DPP4: variants seen among roughly 807,000 people sequenced by gnomAD.
The protein encoded by DPP4 is dipeptidyl peptidase 4, also known as ADCP-2.
Under a neutral mutation model 122.4 loss-of-function variants are expected in DPP4, and 93 were observed. The observed-to-expected ratio is 0.76, with a 90% CI of 0.64 to 0.90. The LOEUF is 0.90. DPP4 is among the 40% of genes least tolerant of loss of function. The pLI is 0.00. For synonymous variants in DPP4, 321 were observed against 302.9 expected, an observed-to-expected ratio of 1.06 and a Z score of -0.62; for missense variants, 914 against 907.3, an observed-to-expected ratio of 1.01 and a Z score of -0.09.
intron 9 of DPP4, among the ~76,000 whole-genome samples, chr2:162,034,359 AC>A (rs1380797612): frequency 6.6e-6 from 1 of 152,160 alleles, no homozygotes; most frequent in Non-Finnish European, 1.5e-5. Flanking sequence ...CACTGAAAAC[AC>A]ATCTCCATAT....
Position 161,998,029 on chromosome 2 carries a change from A to G in DPP4, c.2053-2657T>C, listed in dbSNP as rs747503977. ...TTTGAAGTGCATAATAATAATGGGTATCCTTTGAGATCCTCCTAAGACCCA... is the reference window on the plus strand; with the variant it reads ...TTTGAAGTGCATAATAATAATGGGTGTCCTTTGAGATCCTCCTAAGACCCA... On this transcript the variant is annotated intron_variant, in intron 23 of 25. Coordinates refer to ENST00000360534, the MANE Select transcript of DPP4 (RefSeq NM_001935.4). 4.2e-4 allele frequency among the ~76,000 whole-genome samples: 64 copies of G among 152,208 alleles called. 1 individual carries two copies. The highest frequency in any genetic ancestry group is 4.6e-4 in the Admixed American group (7 of 15,284).
At chr2:162,037,847 T>C (rs150586805) in intron 8 of DPP4, among the ~76,000 whole-genome samples, 45 of 152,308 alleles carry the variant, frequency 3.0e-4, no homozygotes, top group Non-Finnish European at 5.6e-4. Context: ...TTCAAATAAA[T>C]ACAAATCCTC....
chr2:161,995,294 A>T lies in DPP4; in HGVS notation c.2125+6T>A. The T allele has an allele frequency of 6.2e-7, 1 of 1,613,168 alleles. No individual in the cohort carries two copies. The highest frequency in any genetic ancestry group is 8.5e-7 in the Non-Finnish European group (1 of 1,179,312). The stretch of plus-strand genomic sequence containing the variant: ...ATACTAAAAAGTCTAATTAACTGAA[A>T]CTCACCATCTGCTGTTCCATGAATA... On this transcript the variant is annotated splice_donor_region_variant and intron_variant, in intron 24 of 25. Transcript: ENST00000360534.
chr2:162,009,145 T>G, intron 21 of DPP4, 96 bp downstream of exon 21: 1 of 1,298,212 alleles, frequency 7.7e-7, no homozygotes, highest in Non-Finnish European at 1.1e-6. Context: ...TAGATGTGAT[T>G]TTCACCTCCA....
chr2:162,071,381 C>T (rs1434438926), intron 2 of DPP4, among the ~76,000 whole-genome samples: 1 of 152,168 alleles, frequency 6.6e-6, no homozygotes, highest in African/African-American at 2.4e-5. Context: ...CAGTGGCTTA[C>T]ACCTTTCATT....
At chr2:161,997,403 T>G (rs891117142) in intron 23 of DPP4, among the ~76,000 whole-genome samples, 3 of 152,240 alleles carry the variant, frequency 2.0e-5, no homozygotes, top group African/African-American at 7.2e-5. Flanking sequence ...CTCCACTAAA[T>G]GATAAGATCC....
chr2:162,024,035 AG>A (rs1412632458), intron 11 of DPP4, among the ~76,000 whole-genome samples: 2 of 152,240 alleles, frequency 1.3e-5, no homozygotes, highest in Non-Finnish European at 2.9e-5. Context: ...GTGAGGCTCC[AG>A]GTCTGGGAGG....
chr2:161,999,398 T>A (rs1379782993), intron 23 of DPP4, among the ~76,000 whole-genome samples: 1 of 152,210 alleles, frequency 6.6e-6, no homozygotes, highest in Non-Finnish European at 1.5e-5. Context: ...GATGACTAAG[T>A]TAGAAGCCGA....
At chr2:162,033,504 C>T (rs528114598) in intron 10 of DPP4, 37 bp downstream of exon 10, 2 of 1,534,512 alleles carry the variant, frequency 1.3e-6, no homozygotes, top group Admixed American at 1.8e-5. Context: ...AAGTGTAAAA[C>T]TGTTTACAAG....
intron 10 of DPP4, among the ~76,000 whole-genome samples, chr2:162,025,299 G>C (rs569628401): frequency 4.6e-5 from 7 of 152,146 alleles, no homozygotes; most frequent in South Asian, 4.2e-4. Context: ...CTGCTGTCTT[G>C]AGGGAAGTGA....
rs931109067 is a variant in DPP4, at chr2:162,024,788, C to T, written c.1023+16G>A. 5 of 1,612,158 alleles carry T rather than the reference C, an allele frequency of 3.1e-6. No homozygotes were observed. The highest frequency in any genetic ancestry group is 4.2e-6 in the Non-Finnish European group (5 of 1,179,646). On this transcript the variant is annotated intron_variant, in intron 11 of 25. Transcript: ENST00000360534. ...ACATGTTGCTCTAGAAGCAGAACAT[C>T]CCCATTCAGTCTCACCACTAAGCAG... is the stretch of plus-strand genomic sequence containing the variant.
intron 25 of DPP4, among the ~76,000 whole-genome samples, 160 bp from the exon 26 acceptor site, chr2:161,993,544 G>A (rs1299578855): frequency 6.6e-6 from 1 of 152,090 alleles, no homozygotes; most frequent in Non-Finnish European, 1.5e-5. Context: ...TCAAAGAGGG[G>A]GTCTAATTTT....
intron 14 of DPP4, among the ~76,000 whole-genome samples, chr2:162,019,613 G>A (rs1683048753): frequency 6.6e-6 from 1 of 151,874 alleles, no homozygotes; most frequent in African/African-American, 2.4e-5. Flanking sequence ...CATTGATCCC[G>A]ATCGTTGTAT....
intron 23 of DPP4, among the ~76,000 whole-genome samples, chr2:162,002,462 T>A (rs1327611934): frequency 6.6e-6 from 1 of 152,182 alleles, no homozygotes; most frequent in Non-Finnish European, 1.5e-5. Context: ...TGGACTAAGA[T>A]CAAGGCCTTA....
chr2:162,027,472 TTC>T (rs1683373045), intron 10 of DPP4, among the ~76,000 whole-genome samples: 1 of 152,166 alleles, frequency 6.6e-6, no homozygotes. Context: ...TTACTATTTT[TTC>T]AGGCCAAAAA....
intron 2 of DPP4, among the ~76,000 whole-genome samples, chr2:162,070,983 C>T (rs1438118715): frequency 6.6e-6 from 1 of 152,166 alleles, no homozygotes; most frequent in Non-Finnish European, 1.5e-5. Context: ...TTACCGAAGT[C>T]CAGTCATTCA....
chr2:162,064,162 G>A (rs1684877049), intron 2 of DPP4, among the ~76,000 whole-genome samples: 1 of 152,198 alleles, frequency 6.6e-6, no homozygotes, highest in South Asian at 2.1e-4. Flanking sequence ...TGGAGGAGGT[G>A]TTGGAAGTTT....
intron 2 of DPP4, among the ~76,000 whole-genome samples, chr2:162,053,513 T>A (rs1684457389): frequency 6.6e-6 from 1 of 152,070 alleles, no homozygotes; most frequent in Non-Finnish European, 1.5e-5. Flanking sequence ...TCCAGCCACA[T>A]GCCGTCCGTA....
intron 23 of DPP4, among the ~76,000 whole-genome samples, chr2:162,003,451 T>G (rs186585898): frequency 2.0e-5 from 3 of 152,268 alleles, no homozygotes; most frequent in Non-Finnish European, 4.4e-5. Flanking sequence ...TGGCTGATGT[T>G]ATTTGAGGAG....
Sources: gnomAD v4.1 joint callset for allele counts (sites outside exome capture counted in the v4.1 genomes callset) on GRCh38, gnomAD v4.1.1 for gene constraint, MANE v1.5 for transcripts, NCBI Gene and HGNC (gene_info 2026-07-23, HGNC 2026-07-21) for gene names.